SNRPN: variants seen among roughly 807,000 people sequenced by gnomAD.
SNRPN encodes the protein small nuclear ribonucleoprotein-associated protein N.
A neutral mutation model predicts 25.2 loss-of-function variants in SNRPN; 7 were observed. The observed-to-expected ratio is 0.28, with a 90% confidence interval of 0.16 to 0.52. The LOEUF is 0.52. SNRPN is among the 20% of genes least tolerant of loss of function. SNRPN has a pLI of 0.96. For missense variants in SNRPN, 196 were observed against 322.5 expected (o/e 0.61, Z 3.00); for synonymous variants, 124 against 110.6 (o/e 1.12, Z -0.76).
chr15:24,885,607 C>T (rs930924431), intron 1 of SNRPN, among the ~76,000 whole-genome samples: 1 of 152,096 alleles, frequency 6.6e-6, no homozygotes, highest in Non-Finnish European at 1.5e-5. Context: ...TCCCACATCT[C>T]TGCAACATTG....
chr15:24,932,041 CACAGA>C, intron 3 of SNRPN, among the ~76,000 whole-genome samples: 1 of 151,966 alleles, frequency 6.6e-6, no homozygotes, highest in East Asian at 1.9e-4. Context: ...ATGACCCTCG[CACAGA>C]GGCCAGGAGA....
chr15:24,918,964 C>G (rs199821531), intron 2 of SNRPN, among the ~76,000 whole-genome samples: 4,995 of 45,910 alleles, frequency 0.11, 1,667 homozygotes, highest in East Asian at 0.37. Flanking sequence ...TATATATGCG[C>G]GCATATATAT....
chr15:24,894,461 C>T (rs529121941), intron 2 of SNRPN, among the ~76,000 whole-genome samples: 7 of 152,226 alleles, frequency 4.6e-5, no homozygotes, highest in East Asian at 3.9e-4. Context: ...CCTCGTGATC[C>T]GCCCGCCTCG....
chr15:24,916,040 C>T (rs2059496719), intron 2 of SNRPN, among the ~76,000 whole-genome samples: 1 of 141,394 alleles, frequency 7.1e-6, no homozygotes, highest in South Asian at 2.3e-4. Flanking sequence ...GGCACAATCT[C>T]GGCTCACTGT....
At chr15:24,881,608 AGAGAGAGAGAG>A (rs1257038975) in intron 1 of SNRPN, among the ~76,000 whole-genome samples, 864 of 80,514 alleles carry the variant, frequency 0.011, 24 homozygotes, top group African/African-American at 0.03. Context: ...AGAGAGAGAG[AGAGAGAGAGAG>A]AAAGTCACAG....
chr15:24,967,914 A>G lies in SNRPN; in HGVS notation c.-294-18A>G, dbSNP rs1201343820. ...AAATGTATTTTTATCATTTATATAT[A>G]TTGTGCTCTTGTTGTAGGTGTCAGT... is the stretch of plus-strand genomic sequence containing the variant. On this transcript the variant is annotated intron_variant, in intron 2 of 9. Transcript: ENST00000390687. 1 of 1,600,840 alleles carries G rather than the reference A, an allele frequency of 6.2e-7. No homozygotes were observed. Among genetic ancestry groups the G allele is most frequent in the South Asian group, 1.1e-5 (1 of 90,822 alleles).
At chr15:24,857,273 C>G (rs2053493018) in intron 1 of SNRPN, among the ~76,000 whole-genome samples, 1 of 152,160 alleles carries the variant, frequency 6.6e-6, no homozygotes, top group South Asian at 2.1e-4. Flanking sequence ...TCTCCTTACC[C>G]CAAAACTGTA....
rs199967194 is a variant in SNRPN at position 24,835,107 on chromosome 15, C to CTATATATAAAATAGATATATAGTA, written c.-579+5209_-579+5210insAAAATAGATATATAGTATATATAT. Among the ~76,000 whole-genome samples the CTATATATAAAATAGATATATAGTA allele has an allele frequency of 8.8e-4, 32 of 36,298 alleles. 2 individuals carry two copies. The highest frequency in any genetic ancestry group is 3.2e-3 in the African/African-American group (30 of 9,478). The allele number at this position is 36,298 out of a possible 152,430, so 23.8% of individuals were successfully genotyped here. On this transcript the variant is annotated intron_variant, in intron 2 of 12. Coordinates refer to the SNRPN transcript ENST00000400100. ...TATATAAAATATATAGATATATATA[C>CTATATATAAAATAGATATATAGTA]TATATATCTATATATAAAATATATA...
chr15:24,902,551 C>T (rs1313618849), intron 2 of SNRPN, among the ~76,000 whole-genome samples: 1 of 152,128 alleles, frequency 6.6e-6, no homozygotes, highest in Admixed American at 6.5e-5. Context: ...AGCCGTGCAC[C>T]CTGGCAGTGA....
chr15:24,827,515 CAAAAA>C (rs58393593), intron 1 of SNRPN, among the ~76,000 whole-genome samples: 2 of 96,768 alleles, frequency 2.1e-5, no homozygotes, highest in Non-Finnish European at 4.0e-5. Flanking sequence ...GACTCTGTCT[CAAAAA>C]AAAAAAAAAA....
chr15:24,909,691 G>C, intron 2 of SNRPN: 2 of 1,240,990 alleles, frequency 1.6e-6, no homozygotes, highest in Non-Finnish European at 2.3e-6. Flanking sequence ...TGAGTGTGTT[G>C]TATTTATTTT....
intron 3 of SNRPN, among the ~76,000 whole-genome samples, chr15:24,943,006 A>G (rs1566936882): frequency 1.3e-5 from 2 of 150,460 alleles, no homozygotes; most frequent in African/African-American, 2.4e-5. Flanking sequence ...GTGGGCATTC[A>G]CATGGCCACA....
intron 2 of SNRPN, among the ~76,000 whole-genome samples, chr15:24,916,104 G>A (rs2059501888): frequency 6.6e-6 from 1 of 151,058 alleles, no homozygotes; most frequent in Non-Finnish European, 1.5e-5. Flanking sequence ...CCCATTACAG[G>A]CACCCGCCAC....
At chr15:24,968,905 A>G (rs1454961038) in intron 3 of SNRPN, 2 of 151,664 alleles carry the variant, frequency 1.3e-5, no homozygotes, top group Non-Finnish European at 2.9e-5. Flanking sequence ...GTCGATTTTG[A>G]TTTGTTTTCT....
chr15:24,869,748 T>G (rs2054908680), intron 1 of SNRPN, among the ~76,000 whole-genome samples: 1 of 152,172 alleles, frequency 6.6e-6, no homozygotes, highest in Admixed American at 6.6e-5. Flanking sequence ...ATTTCTTTAC[T>G]GTAAAATTAT....
intron 1 of SNRPN, among the ~76,000 whole-genome samples, chr15:24,955,468 T>G (rs1322867598): frequency 1.3e-5 from 2 of 151,186 alleles, no homozygotes; most frequent in East Asian, 3.9e-4. Context: ...ATAGGGATTT[T>G]AGGCGGAGGT....
intron 3 of SNRPN, among the ~76,000 whole-genome samples, chr15:24,927,518 T>C (rs1427119137): frequency 5.5e-5 from 6 of 108,692 alleles, no homozygotes; most frequent in Non-Finnish European, 9.9e-5. Context: ...TTTTTTTTTT[T>C]ACTTTTGACC....
intron 3 of SNRPN, among the ~76,000 whole-genome samples, chr15:24,933,889 G>T (rs566131568): frequency 1.2e-4 from 18 of 152,300 alleles, no homozygotes; most frequent in African/African-American, 4.3e-4. Context: ...CAAATTTAGG[G>T]ACTGACTCCG....
chr15:24,938,871 G>A (rs1286683609), intron 3 of SNRPN, among the ~76,000 whole-genome samples: 4 of 152,148 alleles, frequency 2.6e-5, no homozygotes. Context: ...GTTAGCTAAG[G>A]AGTTGGCTGG....
Sources: gnomAD v4.1 joint callset for allele counts (sites outside exome capture counted in the v4.1 genomes callset) on GRCh38, gnomAD v4.1.1 for gene constraint, MANE v1.5 for transcripts, NCBI Gene and HGNC (gene_info 2026-07-23, HGNC 2026-07-21) for gene names.